Variants in RBM17 observed in about 807,000 individuals in gnomAD.
RBM17 encodes the protein RNA binding motif protein 17.
Under a neutral mutation model 53.2 loss-of-function variants are expected in RBM17, and 7 were observed. That is an observed-to-expected ratio of 0.13 (90% confidence interval 0.07 to 0.25). The LOEUF is 0.25. RBM17 is among the 10% of genes least tolerant of loss of function. RBM17 has a pLI of 1.00. For synonymous variants in RBM17, 167 were observed against 178.1 expected (o/e 0.94, Z 0.50); for missense variants, 257 against 496.7 (o/e 0.52, Z 4.59).
Position 6,112,396 on chromosome 10 carries a change from AG to A in RBM17, c.856+37del. On this transcript the variant is annotated intron_variant, in intron 8 of 11. Coordinates refer to ENST00000379888, the MANE Select transcript of RBM17 (RefSeq NM_032905.5). This position sits in a 1 kb window ranked among gnomAD's most constrained non-coding sequence, Gnocchi z 4.4. ...CAGGGAAGCGTGTGACTAGAGGGAA[AG>A]GACTGGCCCCATCCATATCAGACAT... 3 of 1,612,370 alleles carry A rather than the reference AG, an allele frequency of 1.9e-6. No individual in the cohort carries two copies. The highest frequency in any genetic ancestry group is 2.5e-6 in the Non-Finnish European group (3 of 1,179,136).
intron 6 of RBM17, 21 bp downstream of exon 6, chr10:6,108,763 C>T (rs139178104): frequency 6.3e-6 from 10 of 1,584,652 alleles, no homozygotes; most frequent in Non-Finnish European, 6.9e-6. Flanking sequence ...CTGTTTCTTC[C>T]TCTTTTATTC....
intron 1 of RBM17, among the ~76,000 whole-genome samples, chr10:6,095,025 A>G (rs962300539): frequency 3.9e-5 from 6 of 152,210 alleles, no homozygotes; most frequent in African/African-American, 1.4e-4. Flanking sequence ...ATTCCCTCCA[A>G]GACTTTGAGG....
chr10:6,109,869 C>A, intron 6 of RBM17, 117 bp from the exon 7 acceptor site: 2 of 816,910 alleles, frequency 2.4e-6, no homozygotes, highest in African/African-American at 1.7e-5. Context: ...GTTTTTCTCT[C>A]CTTGTGGTAA....
intron 4 of RBM17, 138 bp downstream of exon 4, chr10:6,105,235 C>T (rs1173063639): frequency 4.0e-6 from 3 of 749,450 alleles, no homozygotes; most frequent in Non-Finnish European, 4.3e-6. Context: ...AGGAATCAAA[C>T]TGTTTTACGA....
intron 2 of RBM17, among the ~76,000 whole-genome samples, chr10:6,100,715 A>G (rs954240819): frequency 2.0e-5 from 3 of 152,132 alleles, no homozygotes; most frequent in African/African-American, 7.2e-5. Context: ...GATATCTTGG[A>G]GAATCTGAAT....
chr10:6,097,884 G>A (rs1167712762), intron 2 of RBM17, among the ~76,000 whole-genome samples: 1 of 152,198 alleles, frequency 6.6e-6, no homozygotes, highest in Non-Finnish European at 1.5e-5. Flanking sequence ...TTTGGTGGAG[G>A]TAGTTTGGAA....
chr10:6,114,703 G>A (rs1388146613), intron 10 of RBM17: 1 of 157,706 alleles, frequency 6.3e-6, no homozygotes, highest in African/African-American at 2.4e-5. Flanking sequence ...GAACAGGTGG[G>A]ATTTGCAGGG....
intron 1 of RBM17, among the ~76,000 whole-genome samples, chr10:6,091,591 C>G (rs531662413): frequency 1.1e-4 from 17 of 152,266 alleles, no homozygotes; most frequent in African/African-American, 4.1e-4. Context: ...AGCAGATCTG[C>G]AGATCTCACT....
At chr10:6,095,124 A>G (rs1389412694) in intron 1 of RBM17, among the ~76,000 whole-genome samples, 1 of 152,168 alleles carries the variant, frequency 6.6e-6, no homozygotes, top group South Asian at 2.1e-4. Context: ...CTGTCACGAG[A>G]CATCCCCAAG....
At chr10:6,095,803 T>C (rs1840564011) in intron 1 of RBM17, among the ~76,000 whole-genome samples, 1 of 152,150 alleles carries the variant, frequency 6.6e-6, no homozygotes, top group South Asian at 2.1e-4. Flanking sequence ...CCACACAGTG[T>C]GGTACCAACA....
At chr10:6,111,750 C>T (rs554739267) in intron 7 of RBM17, among the ~76,000 whole-genome samples, 109 of 152,318 alleles carry the variant, frequency 7.2e-4, no homozygotes, top group African/African-American at 2.4e-3. Flanking sequence ...TAGGTGATCT[C>T]TAAGGGTTCT....
intron 6 of RBM17, among the ~76,000 whole-genome samples, chr10:6,109,102 C>G (rs1340153799): frequency 6.6e-6 from 1 of 151,808 alleles, no homozygotes; most frequent in Non-Finnish European, 1.5e-5. Flanking sequence ...TATTCATGAT[C>G]CTCCACAAGG....
intron 11 of RBM17, 22 bp from the exon 12 acceptor site, chr10:6,115,431 C>T: frequency 6.4e-7 from 1 of 1,574,174 alleles, no homozygotes; most frequent in African/African-American, 1.3e-5. Context: ...CCTGTATTAA[C>T]TGTCTTTTGT....
intron 6 of RBM17, 141 bp downstream of exon 6, chr10:6,108,883 G>A (rs539043948): frequency 7.1e-5 from 35 of 492,060 alleles, no homozygotes; most frequent in African/African-American, 6.5e-4. Context: ...ACCTGAGGCC[G>A]CACCTGGATC....
Position 6,098,556 on chromosome 10 carries a change from G to GTTTT in RBM17, c.123+1371_123+1374dup, listed in dbSNP as rs1221504658. ...GTTTGAAAATTTCCGTAATACACAGGTTTTTTGTTTTTTTTTTTTTTTTTT... is the reference window on the plus strand; with the variant it reads ...GTTTGAAAATTTCCGTAATACACAGGTTTTTTTTTTGTTTTTTTTTTTTTTTTTT... On this transcript the variant is annotated intron_variant, in intron 2 of 11. Transcript: ENST00000379888. 9.1e-4 allele frequency among the ~76,000 whole-genome samples: 80 copies of GTTTT among 87,974 alleles called. 10 individuals carry two copies. The highest frequency in any genetic ancestry group is 2.1e-3 in the African/African-American group (52 of 24,788). The allele number at this position is 87,974 out of a possible 152,430, so 57.7% of individuals were successfully genotyped here.
At chr10:6,107,943 G>A (rs190807327) in intron 5 of RBM17, among the ~76,000 whole-genome samples, 19 of 152,158 alleles carry the variant, frequency 1.2e-4, no homozygotes, top group Non-Finnish European at 1.6e-4. Context: ...TAGGACTTAT[G>A]CCTAATGCAA....
Position 6,115,257 on chromosome 10 carries a change from G to A in RBM17, c.1048G>A (p.Asp350Asn). The A allele has an allele frequency of 6.2e-7, 1 of 1,613,672 alleles. No individual in the cohort carries two copies. Among genetic ancestry groups the A allele is most frequent in the Non-Finnish European group, 8.5e-7 (1 of 1,179,794 alleles). Reference protein sequence around the residue: ...VIFEIPGAPDDEAVRIFLEFE... With the variant: ...VIFEIPGAPDNEAVRIFLEFE... ...CTTCCAGATTCCTGGTGCCCCTGAT[G>A]ATGAAGCAGTACGGATATTTTTAGA... The change falls in exon 11 of 12, where the codon GAT becomes AAT. Residue 350 changes from aspartate (D) to asparagine (N), a missense_variant. This residue lies in a region of RBM17 where 49 missense variants were observed against 114.8 expected (regional missense o/e 0.43). Coordinates refer to ENST00000379888, the MANE Select transcript of RBM17 (RefSeq NM_032905.5).
intron 2 of RBM17, among the ~76,000 whole-genome samples, chr10:6,099,242 A>C (rs1440220675): frequency 6.6e-6 from 1 of 151,884 alleles, no homozygotes; most frequent in Non-Finnish European, 1.5e-5. Context: ...TAACTTTATA[A>C]AACTTTTGAG....
chr10:6,091,041 T>TTATATATTTA (rs1413044500), intron 1 of RBM17, among the ~76,000 whole-genome samples: 7 of 139,418 alleles, frequency 5.0e-5, no homozygotes, highest in Admixed American at 1.5e-4. Flanking sequence ...TTATATATTT[T>TTATATATTTA]TATATATATA....
Sources: allele counts gnomAD v4.1 joint callset (sites outside exome capture counted in the v4.1 genomes callset), GRCh38; gene constraint gnomAD v4.1.1; regional missense constraint gnomAD v4.1.1; non-coding constraint Gnocchi (gnomAD v3.1); transcripts MANE v1.5; gene names NCBI Gene and HGNC (gene_info 2026-07-23, HGNC 2026-07-21).